The following R3HDM1 variants were observed in gnomAD, a reference collection of about 807,000 sequenced individuals.
The protein encoded by R3HDM1 is R3H domain-containing protein 1.
In R3HDM1, 46 loss-of-function variants were observed where a neutral mutation model predicts 141.1. The observed-to-expected ratio is 0.33, with a 90% CI of 0.26 to 0.42. The LOEUF (loss-of-function observed/expected upper bound fraction) is 0.42, where lower values mean the gene tolerates loss of function less well. R3HDM1 is among the 10% of genes least tolerant of loss of function. The pLI is 1.00. For missense variants in R3HDM1, 1,184 were observed against 1,368.3 expected, an observed-to-expected ratio of 0.87 and a Z score of 2.12; for synonymous variants, 435 against 472.9, an observed-to-expected ratio of 0.92 and a Z score of 1.04.
chr2:135,557,704 T>G (rs1559118287), intron 1 of R3HDM1, among the ~76,000 whole-genome samples: 1 of 152,220 alleles, frequency 6.6e-6, no homozygotes, highest in African/African-American at 2.4e-5. Flanking sequence ...TGTTCAACAT[T>G]GAACTGTGGC....
intron 21 of R3HDM1, among the ~76,000 whole-genome samples, chr2:135,690,843 G>C (rs578056895): frequency 6.6e-6 from 1 of 152,076 alleles, no homozygotes; most frequent in East Asian, 1.9e-4. Context: ...GGGTGCTTTA[G>C]CTATTTCATT....
In R3HDM1 at chr2:135,602,547, C is replaced by A; in HGVS notation, c.-202C>A. The A allele has an allele frequency of 1.4e-6, 2 of 1,471,624 alleles. No individual in the cohort carries two copies. 91.2% of individuals were successfully genotyped at this position (1,471,624 alleles called of 1,614,324 possible). On this transcript the variant is annotated 5_prime_UTR_variant, in exon 2 of 27. Transcript: ENST00000683871. The stretch of plus-strand genomic sequence containing the variant: ...TTGATCCAAGACAGTCCATTCCAGT[C>A]CGGGAATCTACAGTGGTGACAAGGA...
chr2:135,553,582 G>A (rs1177981134), intron 1 of R3HDM1, among the ~76,000 whole-genome samples: 2 of 152,214 alleles, frequency 1.3e-5, no homozygotes, highest in African/African-American at 4.8e-5. Flanking sequence ...GTTTCAAAAT[G>A]TGATGTTTTT....
rs141063861 is a variant in R3HDM1, at chr2:135,634,317, A to G, written c.699-1573A>G. On this transcript the variant is annotated intron_variant, in intron 9 of 26. Coordinates refer to ENST00000683871, the MANE Select transcript of R3HDM1 (RefSeq NM_001378107.1). The stretch of plus-strand genomic sequence containing the variant: ...CTTTTACGTACTTTATTAGAAATTC[A>G]TAGGTTAAAATAAATGTTCAAAAGT... Among the ~76,000 whole-genome samples, 31 of 152,248 alleles carry G rather than the reference A, an allele frequency of 2.0e-4. No individual in the cohort carries two copies. In the East Asian group the frequency reaches 5.4e-3, roughly 27 times the overall value.
chr2:135,665,344 G>A (rs1027799181), intron 19 of R3HDM1: 1 of 503,298 alleles, frequency 2.0e-6, no homozygotes, highest in African/African-American at 2.0e-5. Flanking sequence ...CTCTTGACAA[G>A]TTTGTAGCTT....
Position 135,682,599 on chromosome 2 carries a change from A to G in R3HDM1, c.2459+2275A>G, listed in dbSNP as rs78677813. Among the ~76,000 whole-genome samples the G allele has an allele frequency of 3.6e-3, 546 of 152,342 alleles. 5 individuals carry two copies. The highest frequency in any genetic ancestry group is 2.8e-3 in the Non-Finnish European group (188 of 68,032). On this transcript the variant is annotated intron_variant, in intron 21 of 26. Coordinates refer to ENST00000683871, the MANE Select transcript of R3HDM1 (RefSeq NM_001378107.1). Reference sequence around the variant, plus strand: ...TCCCTGGGCATGCTTCACAAAGAAAATAAAAAATTTTTAAGAGCTAGCTTT... The same window carrying G: ...TCCCTGGGCATGCTTCACAAAGAAAGTAAAAAATTTTTAAGAGCTAGCTTT...
chr2:135,602,654 T>A lies in R3HDM1; in HGVS notation c.-95T>A. The A allele has an allele frequency of 3.9e-6, 6 of 1,546,090 alleles. No homozygotes were observed. Among genetic ancestry groups the A allele is most frequent in the Non-Finnish European group, 3.5e-6 (4 of 1,145,632 alleles). Reference sequence around the variant, plus strand: ...ACAACTGTGAAAAAGAACCTTGGATTATTTTATTTTATTTTTGTGGGACAC... The same window carrying A: ...ACAACTGTGAAAAAGAACCTTGGATAATTTTATTTTATTTTTGTGGGACAC... On this transcript the variant is annotated 5_prime_UTR_variant, in exon 2 of 27. Coordinates refer to ENST00000683871, the MANE Select transcript of R3HDM1 (RefSeq NM_001378107.1).
At chr2:135,551,423 T>C (rs1699826906) in intron 1 of R3HDM1, among the ~76,000 whole-genome samples, 2 of 152,164 alleles carry the variant, frequency 1.3e-5, no homozygotes, top group African/African-American at 4.8e-5. Flanking sequence ...ATGTACCTAG[T>C]AGAATGAAAA....
intron 3 of R3HDM1, among the ~76,000 whole-genome samples, chr2:135,611,146 G>A (rs190505623): frequency 5.3e-5 from 8 of 151,152 alleles, no homozygotes; most frequent in South Asian, 2.1e-4. Flanking sequence ...GGATGGCTGC[G>A]CACGGTGGTT....
intron 9 of R3HDM1, among the ~76,000 whole-genome samples, chr2:135,633,268 A>G (rs2062897297): frequency 6.6e-6 from 1 of 152,188 alleles, no homozygotes; most frequent in Non-Finnish European, 1.5e-5. Context: ...CCATTAAGCT[A>G]TGAGCTGAGC....
Position 135,725,143 on chromosome 2 carries a change from C to T in R3HDM1, c.*851C>T, listed in dbSNP as rs1188867961. On this transcript the variant is annotated 3_prime_UTR_variant, in exon 27 of 27. Transcript: ENST00000683871. The stretch of plus-strand genomic sequence containing the variant: ...TCATTGTTTGCAGCGGATCACTGGA[C>T]ATCAAAGATTCATTGCACTTATGAA... 6.6e-6 allele frequency: 1 copy of T among 152,614 alleles called. No individual in the cohort carries two copies. The highest frequency in any genetic ancestry group is 2.4e-5 in the African/African-American group (1 of 41,434). 9.5% of individuals were successfully genotyped at this position (152,614 alleles called of 1,614,324 possible). A position where few individuals can be genotyped will look rare whatever the true frequency, so the allele number is the denominator to read the frequency against.
rs181458630 is a variant in R3HDM1, at chr2:135,571,532, C to T, written c.-249-30968C>T. Among the ~76,000 whole-genome samples the T allele has an allele frequency of 6.4e-4, 97 of 152,058 alleles. 1 individual carries two copies. The East Asian group carries it at 0.016, about 25-fold the overall frequency. The stretch of plus-strand genomic sequence containing the variant: ...GTAGAGACCAGGTTTCACCACGTTG[C>T]CCAGACTGGTCTCGAACTCCTGAGC... On this transcript the variant is annotated intron_variant, in intron 1 of 26. Transcript: ENST00000683871.
Position 135,578,831 on chromosome 2 carries a change from C to G in R3HDM1, c.-249-23669C>G, listed in dbSNP as rs574702716. ...TATATTGTAGATAATGAAAGTCAGA[C>G]TTCTCATTGTTGTATAAAGAAGTTA... On this transcript the variant is annotated intron_variant, in intron 1 of 26. Transcript: ENST00000683871. Among the ~76,000 whole-genome samples the G allele has an allele frequency of 5.3e-5, 8 of 152,252 alleles. No homozygotes were observed. In the East Asian group the frequency reaches 1.2e-3, roughly 22 times the overall value.
chr2:135,540,127 T>C (rs1697141551), intron 1 of R3HDM1, among the ~76,000 whole-genome samples: 1 of 152,130 alleles, frequency 6.6e-6, no homozygotes, highest in Admixed American at 6.5e-5. Context: ...TTACCAGGAG[T>C]AGAGTCCATC....
intron 1 of R3HDM1, chr2:135,558,902 G>T: frequency 1.6e-6 from 1 of 611,092 alleles, no homozygotes; most frequent in Non-Finnish European, 2.0e-6. Flanking sequence ...TTCCTTTTAG[G>T]ATTCCTTAAG....
intron 23 of R3HDM1, 129 bp downstream of exon 23, chr2:135,710,360 C>G (rs1345830852): frequency 4.2e-6 from 4 of 948,962 alleles, no homozygotes; most frequent in Non-Finnish European, 4.6e-6. Flanking sequence ...CGCGGTGGCT[C>G]TCCCCTGTAA....
chr2:135,654,082 A>G (rs1184559812), intron 18 of R3HDM1, among the ~76,000 whole-genome samples: 1 of 152,102 alleles, frequency 6.6e-6, no homozygotes, highest in African/African-American at 2.4e-5. Context: ...AAACATTTTC[A>G]TCACTCTAAA....
chr2:135,596,889 C>T (rs763052701), intron 1 of R3HDM1: 11 of 378,974 alleles, frequency 2.9e-5, no homozygotes, highest in Non-Finnish European at 3.6e-5. Context: ...TTGTATAAGG[C>T]GTTTCCTTAG....
At chr2:135,619,044 A>AT (rs2061324319) in intron 5 of R3HDM1, among the ~76,000 whole-genome samples, 1 of 149,510 alleles carries the variant, frequency 6.7e-6, no homozygotes, top group Admixed American at 6.7e-5. Context: ...AAAAAAAGTT[A>AT]TTTTGTACAA....
Sources: gnomAD v4.1 joint callset for allele counts (sites outside exome capture counted in the v4.1 genomes callset) on GRCh38, gnomAD v4.1.1 for gene constraint, MANE v1.5 for transcripts, NCBI Gene and HGNC (gene_info 2026-07-23, HGNC 2026-07-21) for gene names.